The following SH3KBP1 variants were observed in gnomAD, a reference collection of about 807,000 sequenced individuals.
The protein encoded by SH3KBP1 is SH3 domain-containing kinase-binding protein 1.
In SH3KBP1, 8 loss-of-function variants were observed where a neutral mutation model predicts 50.1. That is an observed-to-expected ratio of 0.16 (90% confidence interval 0.09 to 0.29). The LOEUF is 0.29. Among genes scored for constraint, SH3KBP1 ranks in the 10% least tolerant of loss-of-function variants. The probability of loss-of-function intolerance (pLI) is 1.00; values close to 1 mark genes in which losing one functional copy is unlikely to be tolerated. For missense variants in SH3KBP1, 377 were observed against 535.2 expected, an observed-to-expected ratio of 0.70 and a Z score of 2.92; for synonymous variants, 227 against 218.6, an observed-to-expected ratio of 1.04 and a Z score of -0.34.
intron 5 of SH3KBP1, chrX:19,687,634 C>T (rs1487768056): frequency 8.3e-7 from 1 of 1,207,717 alleles, no homozygotes; most frequent in South Asian, 1.8e-5. Context: ...GCGTCTGTGG[C>T]CCTCCGTCTT....
chrX:19,829,729 A>G (rs1222685031), intron 2 of SH3KBP1, among the ~76,000 whole-genome samples: 1 of 109,352 alleles, frequency 9.1e-6, no homozygotes, highest in East Asian at 2.8e-4. Context: ...TCAAAAAAAA[A>G]AAAAAAAGAA....
chrX:19,740,032 A>G (rs1164134411), intron 3 of SH3KBP1, among the ~76,000 whole-genome samples: 1 of 111,205 alleles, frequency 9.0e-6, no homozygotes, highest in Non-Finnish European at 1.9e-5. Flanking sequence ...TAACAGAAAA[A>G]AAAATCTAAA....
intron 2 of SH3KBP1, among the ~76,000 whole-genome samples, chrX:19,815,994 GT>G (rs2067344066): frequency 8.9e-6 from 1 of 112,319 alleles, no homozygotes; most frequent in Non-Finnish European, 1.9e-5. Context: ...GTGAACTTAA[GT>G]TTTTATTTCT....
chrX:19,681,075 G>A (rs952815246), intron 6 of SH3KBP1, among the ~76,000 whole-genome samples: 1 of 111,107 alleles, frequency 9.0e-6, no homozygotes, highest in Non-Finnish European at 1.9e-5. Context: ...TCAGCAGAAT[G>A]CATCCAGGTT....
chrX:19,670,953 G>T (rs886222560), intron 6 of SH3KBP1: 3 of 1,126,510 alleles, frequency 2.7e-6, no homozygotes, highest in Non-Finnish European at 3.5e-6. Flanking sequence ...CCAACAGCAC[G>T]GAGCCTGAGG....
chrX:19,716,591 G>A (rs759082747), intron 3 of SH3KBP1, among the ~76,000 whole-genome samples: 2 of 111,694 alleles, frequency 1.8e-5, no homozygotes, highest in South Asian at 7.5e-4. Flanking sequence ...AGCCATGGAG[G>A]GTAGGAAGGG....
chrX:19,832,383 C>T (rs1223037123), intron 2 of SH3KBP1, among the ~76,000 whole-genome samples: 1 of 111,737 alleles, frequency 8.9e-6, no homozygotes, highest in Non-Finnish European at 1.9e-5. Flanking sequence ...ATGAGGTAGT[C>T]GGGTTCTCAA....
At chrX:19,792,133 CAG>C (rs1014568624) in intron 2 of SH3KBP1, among the ~76,000 whole-genome samples, 5 of 111,661 alleles carry the variant, frequency 4.5e-5, no homozygotes, top group African/African-American at 1.6e-4. Flanking sequence ...ACGTACACAA[CAG>C]GAGACTAAGT....
intron 14 of SH3KBP1, among the ~76,000 whole-genome samples, chrX:19,549,177 G>C (rs1280619148): frequency 8.9e-6 from 1 of 112,196 alleles, no homozygotes; most frequent in East Asian, 2.8e-4. Flanking sequence ...CAACAGAAGA[G>C]GAGAAAAGCA....
intron 6 of SH3KBP1, chrX:19,670,865 T>C: frequency 1.0e-6 from 1 of 987,179 alleles, no homozygotes; most frequent in Non-Finnish European, 1.3e-6. Context: ...GAAATACCTC[T>C]TCTCCCATGA....
At chrX:19,666,125 A>AG (rs1300164387) in intron 6 of SH3KBP1, among the ~76,000 whole-genome samples, 1 of 4,131 alleles carries the variant, frequency 2.4e-4, no homozygotes, top group Non-Finnish European at 7.4e-3. Context: ...AATAATTTGT[A>AG]AAAAAAAAAA....
intron 2 of SH3KBP1, among the ~76,000 whole-genome samples, chrX:19,775,159 G>C (rs866736582): frequency 3.6e-5 from 4 of 111,360 alleles, no homozygotes; most frequent in African/African-American, 6.5e-5. Flanking sequence ...TCTCTCCACA[G>C]GTCTTCACGA....
At chrX:19,594,699 C>G (rs756668874) in intron 10 of SH3KBP1, among the ~76,000 whole-genome samples, 6 of 111,121 alleles carry the variant, frequency 5.4e-5, no homozygotes, top group Non-Finnish European at 9.4e-5. Context: ...TGTTTTAATT[C>G]TTTCTGATCA....
chrX:19,716,367 G>C (rs1346516457), intron 3 of SH3KBP1, among the ~76,000 whole-genome samples: 2 of 112,040 alleles, frequency 1.8e-5, no homozygotes, highest in Non-Finnish European at 3.8e-5. Flanking sequence ...GCATTGTGTG[G>C]TCCCTGGAGA....
At chrX:19,778,602 G>A (rs1364585899) in intron 2 of SH3KBP1, among the ~76,000 whole-genome samples, 1 of 110,627 alleles carries the variant, frequency 9.0e-6, no homozygotes, top group African/African-American at 3.3e-5. Context: ...GAACTAGGAA[G>A]GCCAGTAAAT....
At chrX:19,677,842 C>T (rs779707220) in intron 6 of SH3KBP1, among the ~76,000 whole-genome samples, 45 of 112,348 alleles carry the variant, frequency 4.0e-4, no homozygotes, top group Non-Finnish European at 6.2e-4. Flanking sequence ...AATGGACACT[C>T]TCTGGACACA....
intron 12 of SH3KBP1, among the ~76,000 whole-genome samples, chrX:19,572,482 CAT>C (rs973780989): frequency 7.6e-5 from 8 of 104,733 alleles, no homozygotes; most frequent in Non-Finnish European, 1.3e-4. Flanking sequence ...ATATATAGTA[CAT>C]ATATGTTATA....
chrX:19,700,872 C>T (rs1282509499), intron 4 of SH3KBP1, among the ~76,000 whole-genome samples: 1 of 112,177 alleles, frequency 8.9e-6, no homozygotes, highest in Non-Finnish European at 1.9e-5. Flanking sequence ...CCAGAACATT[C>T]CATTCACATA....
At chrX:19,667,493 G>C (rs1235103860) in intron 6 of SH3KBP1, among the ~76,000 whole-genome samples, 1 of 110,738 alleles carries the variant, frequency 9.0e-6, no homozygotes, top group Non-Finnish European at 1.9e-5. Context: ...GCTAGGCATG[G>C]TGGCTCATGT....
Sources: gnomAD v4.1 joint callset for allele counts (sites outside exome capture counted in the v4.1 genomes callset) on GRCh38, gnomAD v4.1.1 for gene constraint, MANE v1.5 for transcripts, NCBI Gene and HGNC (gene_info 2026-07-23, HGNC 2026-07-21) for gene names.